RPTOR: variants seen among roughly 807,000 people sequenced by gnomAD.
RPTOR encodes regulatory-associated protein of mTOR.
RPTOR carries 21 observed loss-of-function variants against 169.9 expected under a neutral mutation model. The observed-to-expected ratio is 0.12, with a 90% CI of 0.09 to 0.18. The LOEUF is 0.18. Ranked by LOEUF, RPTOR falls within the 10% of genes least tolerant of loss-of-function variation. RPTOR has a pLI of 1.00. For synonymous variants in RPTOR, 732 were observed against 753.2 expected (o/e 0.97, Z 0.46); for missense variants, 1,133 against 1,855.9 (o/e 0.61, Z 7.16).
intron 6 of RPTOR, among the ~76,000 whole-genome samples, chr17:80,764,776 C>T (rs2066770212): frequency 6.6e-6 from 1 of 152,114 alleles, no homozygotes; most frequent in African/African-American, 2.4e-5. Flanking sequence ...ACAGTCCCAC[C>T]AACAGTGTAA....
chr17:80,716,377 T>G (rs9901452), intron 4 of RPTOR, among the ~76,000 whole-genome samples: 86,837 of 151,964 alleles, frequency 0.57, 25,080 homozygotes, highest in African/African-American at 0.63. Flanking sequence ...CTTCTTCTGA[T>G]AATTGTCTAT....
rs2069357660 is a variant in RPTOR at position 80,962,544 on chromosome 17, T to TGGACATCCACCCCC, written c.3777_3790dup (p.Gln1264ArgfsTer9). Reference sequence around the variant, plus strand: ...CAGATCGTGAAGGGGCTGACGGCCCTGGACATCCACCCCCAGGCGGACCTG... The same window carrying TGGACATCCACCCCC: ...CAGATCGTGAAGGGGCTGACGGCCCTGGACATCCACCCCCGGACATCCACCCCCAGGCGGACCTG... On this transcript the variant is annotated frameshift_variant, in exon 32 of 34. Coordinates refer to ENST00000306801, the MANE Select transcript of RPTOR (RefSeq NM_020761.3). LOFTEE classifies it high-confidence loss of function. 1 of 1,613,668 alleles carries TGGACATCCACCCCC rather than the reference T, an allele frequency of 6.2e-7. No individual in the cohort carries two copies. The highest frequency in any genetic ancestry group is 8.5e-7 in the Non-Finnish European group (1 of 1,179,922).
rs1395950379 is a variant in RPTOR at position 80,926,889 on chromosome 17, C to T, written c.2919+1409C>T. Among the ~76,000 whole-genome samples, 7 of 152,146 alleles carry T rather than the reference C, an allele frequency of 4.6e-5. 1 individual carries two copies. The highest frequency in any genetic ancestry group is 4.1e-4 in the South Asian group (2 of 4,828). ...ACTAAGCACGAAGCACCTTTAGAGT[C>T]GGGGGAAAAGAATCAAAGAAACAAA... On this transcript the variant is annotated intron_variant, in intron 24 of 33. Transcript: ENST00000306801.
chr17:80,574,375 C>A (rs2064940542), intron 1 of RPTOR, among the ~76,000 whole-genome samples: 1 of 150,404 alleles, frequency 6.6e-6, no homozygotes, highest in South Asian at 2.1e-4. Flanking sequence ...ACCTTGTTAG[C>A]CAGGATGGTC....
At chr17:80,881,516 G>C (rs890282909) in intron 14 of RPTOR, among the ~76,000 whole-genome samples, 1 of 152,242 alleles carries the variant, frequency 6.6e-6, no homozygotes, top group African/African-American at 2.4e-5. Flanking sequence ...GACACAGCCA[G>C]GTTTGAAAGA....
chr17:80,773,766 C>T lies in RPTOR; in HGVS notation c.831-17684C>T, dbSNP rs2066866858. On this transcript the variant is annotated intron_variant, in intron 6 of 33. Coordinates refer to ENST00000306801, the MANE Select transcript of RPTOR (RefSeq NM_020761.3). ...CTGGTGGGACTGATGGGTAGCCTTG[C>T]TGGGGACGTGTAGTCACTGTGGCGC... 4 of 985,088 alleles carry T rather than the reference C, an allele frequency of 4.1e-6. No homozygotes were observed. The South Asian group carries it at 1.4e-4, about 35-fold the overall frequency. The allele number at this position is 985,088 out of a possible 1,614,324, so 61.0% of individuals were successfully genotyped here. A position where few individuals can be genotyped will look rare whatever the true frequency, so the allele number is the denominator to read the frequency against.
At chr17:80,709,103 G>T (rs1014344811) in intron 4 of RPTOR, 1 of 985,374 alleles carries the variant, frequency 1.0e-6, no homozygotes, top group African/African-American at 1.7e-5. Flanking sequence ...GCCAGCCTCG[G>T]AAGTTAGAAA....
chr17:80,837,273 G>A (rs117878919), intron 9 of RPTOR, among the ~76,000 whole-genome samples: 10,838 of 152,196 alleles, frequency 0.071, 526 homozygotes, highest in Middle Eastern at 0.14. Flanking sequence ...ACCCCAGACT[G>A]CAGGGTGCCT....
Position 80,894,308 on chromosome 17 carries a change from C to T in RPTOR, c.2401+443C>T, listed in dbSNP as rs560365530. 2.0e-4 allele frequency among the ~76,000 whole-genome samples: 30 copies of T among 152,286 alleles called. No homozygotes were observed. The South Asian group carries it at 5.2e-3, about 26-fold the overall frequency. ...GTGAGGCCAGGAAGCTGCTCACATC[C>T]CCTGGTGCCCAGGACAGCCCCCACA... On this transcript the variant is annotated intron_variant, in intron 20 of 33. Coordinates refer to ENST00000306801, the MANE Select transcript of RPTOR (RefSeq NM_020761.3).
intron 4 of RPTOR, among the ~76,000 whole-genome samples, chr17:80,720,165 G>A (rs2143153903): frequency 6.6e-6 from 1 of 152,202 alleles, no homozygotes; most frequent in Admixed American, 6.5e-5. Context: ...ATGCATAGTG[G>A]CGGGCACCTG....
At chr17:80,622,946 A>T (rs1031822456) in intron 1 of RPTOR, among the ~76,000 whole-genome samples, 5 of 152,108 alleles carry the variant, frequency 3.3e-5, no homozygotes, top group Non-Finnish European at 4.4e-5. Flanking sequence ...TAATTAATAA[A>T]TTTTTTTAAC....
intron 1 of RPTOR, among the ~76,000 whole-genome samples, chr17:80,570,178 C>T (rs970028614): frequency 5.3e-5 from 8 of 152,152 alleles, no homozygotes; most frequent in African/African-American, 1.4e-4. Flanking sequence ...TCCTGTGTCA[C>T]GGGGCACACC....
chr17:80,792,975 T>A (rs972171390), intron 7 of RPTOR, among the ~76,000 whole-genome samples: 14 of 151,922 alleles, frequency 9.2e-5, no homozygotes, highest in South Asian at 2.1e-4. Context: ...TGTAAAAAAA[T>A]TTTTAATGAA....
At chr17:80,827,716 T>TA (rs779412678) in intron 9 of RPTOR, among the ~76,000 whole-genome samples, 3 of 152,066 alleles carry the variant, frequency 2.0e-5, no homozygotes, top group Non-Finnish European at 2.9e-5. Context: ...CAGGGAGCAA[T>TA]CTGACCACAG....
At chr17:80,791,356 C>A in intron 6 of RPTOR, 94 bp from the exon 7 acceptor site, 1 of 1,070,198 alleles carries the variant, frequency 9.3e-7, no homozygotes, top group Admixed American at 2.2e-5. Flanking sequence ...AGTCCCTGTC[C>A]CCACCTTTAA....
intron 29 of RPTOR, among the ~76,000 whole-genome samples, chr17:80,958,657 C>A (rs1257857740): frequency 6.6e-6 from 1 of 152,134 alleles, no homozygotes; most frequent in East Asian, 1.9e-4. Context: ...TCGTGATCCG[C>A]CCACCTCAGC....
chr17:80,612,616 G>A (rs2065279299), intron 1 of RPTOR, among the ~76,000 whole-genome samples: 1 of 152,232 alleles, frequency 6.6e-6, no homozygotes, highest in Non-Finnish European at 1.5e-5. Context: ...AAAGAAAGGT[G>A]TAAATACTCT....
chr17:80,890,072 A>G (rs1412019158), intron 17 of RPTOR, among the ~76,000 whole-genome samples: 11 of 145,238 alleles, frequency 7.6e-5, no homozygotes, highest in Non-Finnish European at 1.5e-4. Context: ...ATGTGTGTTC[A>G]GGAGTGAGGG....
intron 2 of RPTOR, among the ~76,000 whole-genome samples, chr17:80,627,256 G>A (rs1307928335): frequency 6.6e-6 from 1 of 152,192 alleles, no homozygotes; most frequent in Non-Finnish European, 1.5e-5. Flanking sequence ...CTGACCTTAG[G>A]TGATCCACCC....
Sources: gnomAD v4.1 joint callset for allele counts (sites outside exome capture counted in the v4.1 genomes callset) on GRCh38, gnomAD v4.1.1 for gene constraint, MANE v1.5 for transcripts, NCBI Gene and HGNC (gene_info 2026-07-23, HGNC 2026-07-21) for gene names.